IQUB: variants seen among roughly 807,000 people sequenced by gnomAD.
IQUB encodes the protein IQ motif and ubiquitin-like domain-containing protein.
Under a neutral mutation model 86.4 loss-of-function variants are expected in IQUB, and 86 were observed. That is an observed-to-expected ratio of 1.00 (90% confidence interval 0.84 to 1.19). IQUB has a LOEUF of 1.19. Among genes scored for constraint, IQUB ranks in the 50% most tolerant of loss-of-function variants. IQUB has a pLI of 0.00. For synonymous variants in IQUB, 289 were observed against 304.5 expected (o/e 0.95, Z 0.53); for missense variants, 946 against 916.9 (o/e 1.03, Z -0.41).
chr7:123,505,128 G>A (rs768955337), intron 3 of IQUB, among the ~76,000 whole-genome samples: 2 of 152,126 alleles, frequency 1.3e-5, no homozygotes, highest in African/African-American at 2.4e-5. Flanking sequence ...CATGTTTCAC[G>A]TACAGGCCAC....
intron 7 of IQUB, among the ~76,000 whole-genome samples, chr7:123,496,457 C>T (rs370099420): frequency 2.0e-5 from 3 of 152,090 alleles, no homozygotes; most frequent in African/African-American, 4.8e-5. Flanking sequence ...ACTAAAACTG[C>T]ATAATTCACA....
At position 123,502,681 on chromosome 7, in the gene IQUB, T is replaced by C. The variant is rs73437462; in HGVS notation, c.939A>G (p.Val313=). The change falls in exon 6 of 13, where the codon GTA becomes GTG. Residue 313 remains valine, a synonymous_variant. Transcript: ENST00000324698. ...TTSTQMTNIG[V]YVSNMTDKLV... is the part of the protein sequence containing the mutation. ...GTTTATCAGTCATATTTGATACATA[T>C]ACACCAATGTTAGTCATCTGTGTGG... 2.7e-3 allele frequency: 4,282 copies of C among 1,610,678 alleles called. 109 individuals carry two copies. In the African/African-American group the frequency reaches 0.049, roughly 19 times the overall value.
chr7:123,509,731 T>C lies in IQUB; in HGVS notation c.532+170A>G, dbSNP rs370793929. On this transcript the variant is annotated intron_variant, in intron 3 of 12. Transcript: ENST00000324698. ...TGTATCTTCATTTCTTAGCAAAGTA[T>C]CTAGAACAAAGTATGTCCTTACTAA... Among the ~76,000 whole-genome samples, 7 of 152,198 alleles carry C rather than the reference T, an allele frequency of 4.6e-5. No homozygotes were observed. The East Asian group carries it at 5.8e-4, about 13-fold the overall frequency.
At chr7:123,487,870 AT>A (rs1349888114) in intron 7 of IQUB, among the ~76,000 whole-genome samples, 1 of 152,164 alleles carries the variant, frequency 6.6e-6, no homozygotes, top group East Asian at 1.9e-4. Context: ...GTATTTTAAT[AT>A]TTTTGTCATA....
In IQUB at chr7:123,503,115, T is replaced by A; in HGVS notation, c.696A>T (p.Gly232=). ...SQIITVTVQT[G]LDQYQQVPVE... ...CAGGTACCTGCTGGTATTGATCAAG[T>A]CCTGAGAGATAACACCAAGATTCAA... Residue 232 remains glycine, a splice_region_variant and synonymous_variant, in exon 5 of 13, where the codon GGA becomes GGT. Transcript: ENST00000324698. 6.2e-7 allele frequency: 1 copy of A among 1,611,598 alleles called. No homozygotes were observed. Among genetic ancestry groups the A allele is most frequent in the Non-Finnish European group, 8.5e-7 (1 of 1,178,990 alleles).
In IQUB at chr7:123,452,248, C is replaced by T. The variant is rs7789409; in HGVS notation, c.*495G>A. ...GAGAAGGATGGAAGGTGAAAGCAGA[C>T]GATAAACTGCAAAGATTCAAATGCC... On this transcript the variant is annotated 3_prime_UTR_variant, in exon 13 of 13. Transcript: ENST00000324698. Among the ~76,000 whole-genome samples, 35,475 of 151,914 alleles carry T rather than the reference C, an allele frequency of 0.23. 4,882 individuals are homozygous for T. Among genetic ancestry groups the T allele is most frequent in the East Asian group, 0.34 (1,771 of 5,168 alleles).
intron 1 of IQUB, among the ~76,000 whole-genome samples, chr7:123,512,831 C>T (rs73222270): frequency 2.6e-5 from 4 of 152,084 alleles, no homozygotes; most frequent in East Asian, 1.9e-4. Flanking sequence ...TCTGCTCCCC[C>T]CAAATAAACC....
chr7:123,494,447 T>A (rs1795625211), intron 7 of IQUB, among the ~76,000 whole-genome samples: 1 of 152,120 alleles, frequency 6.6e-6, no homozygotes. Flanking sequence ...AGAAGAGCAA[T>A]ATAAATTATT....
rs754915981 is a variant in IQUB, at chr7:123,461,416, G to A, written c.1948C>T (p.Gln650Ter). 22 of 1,611,874 alleles carry A rather than the reference G, an allele frequency of 1.4e-5. No individual in the cohort carries two copies. The South Asian group carries it at 2.2e-4, about 16-fold the overall frequency. The change falls in exon 11 of 13, where the codon CAG becomes TAG. Residue 650 changes from glutamine (Q) to a stop codon, truncating the protein, a stop_gained. Coordinates refer to ENST00000324698, the MANE Select transcript of IQUB (RefSeq NM_178827.5). LOFTEE classifies it high-confidence loss of function. Reference sequence around the variant, plus strand: ...TAATCAGCTTCTGTATAGTAGAGCTGTTGAAGTAAACATTTGTACTTCAAA... The same window carrying A: ...TAATCAGCTTCTGTATAGTAGAGCTATTGAAGTAAACATTTGTACTTCAAA... Reference protein sequence around the residue: ...SFLKYKCLLQQLYYTEADYED... With the variant: ...SFLKYKCLLQ
At chr7:123,509,044 AC>A (rs971833923) in intron 3 of IQUB, among the ~76,000 whole-genome samples, 1 of 152,214 alleles carries the variant, frequency 6.6e-6, no homozygotes, top group Non-Finnish European at 1.5e-5. Context: ...GAACACATGA[AC>A]ATCTTACATT....
chr7:123,497,699 C>G (rs923252362), intron 6 of IQUB, among the ~76,000 whole-genome samples: 9 of 151,040 alleles, frequency 6.0e-5, no homozygotes, highest in Non-Finnish European at 1.2e-4. Flanking sequence ...CCCTTACTCT[C>G]ATCCTAATGC....
At position 123,496,884 on chromosome 7, in the gene IQUB, T is replaced by A; in HGVS notation, c.1046A>T (p.Tyr349Phe). The A allele has an allele frequency of 6.2e-7, 1 of 1,611,042 alleles. No individual in the cohort carries two copies. The highest frequency in any genetic ancestry group is 8.5e-7 in the Non-Finnish European group (1 of 1,178,644). The change falls in exon 7 of 13, where the codon TAC becomes TTC. Residue 349 changes from tyrosine to phenylalanine, a missense_variant. By Grantham distance (22) the Tyr-to-Phe change is conservative. Coordinates refer to ENST00000324698, the MANE Select transcript of IQUB (RefSeq NM_178827.5). The part of the protein sequence containing the change: ...LKAVIVIQTY[Y>F]RQWHAKIFVE... ...GAAGATTTTAGCATGCCATTGCCTG[T>A]AGTAAGTCTGTATCACTATCACCTA...
intron 1 of IQUB, among the ~76,000 whole-genome samples, chr7:123,521,951 A>G (rs571115948): frequency 6.6e-6 from 1 of 152,152 alleles, no homozygotes; most frequent in Non-Finnish European, 1.5e-5. Context: ...CTAAAGTGGA[A>G]TATCAGAAGG....
At chr7:123,465,654 G>T (rs1794219137) in intron 9 of IQUB, among the ~76,000 whole-genome samples, 1 of 151,924 alleles carries the variant, frequency 6.6e-6, no homozygotes, top group Non-Finnish European at 1.5e-5. Context: ...AGGGAAAACT[G>T]GAAGATACAC....
intron 1 of IQUB, among the ~76,000 whole-genome samples, chr7:123,522,161 T>C (rs1263975591): frequency 6.6e-6 from 1 of 152,076 alleles, no homozygotes. Context: ...AGATAAACTC[T>C]TTCCCCAAAA....
chr7:123,468,475 G>T (rs1794360473), intron 9 of IQUB, among the ~76,000 whole-genome samples: 1 of 152,178 alleles, frequency 6.6e-6, no homozygotes, highest in Admixed American at 6.5e-5. Context: ...CTCTTCCTGA[G>T]AATTGCTCTC....
At chr7:123,464,450 AGAGAT>A (rs1338038740) in intron 10 of IQUB, among the ~76,000 whole-genome samples, 1 of 151,954 alleles carries the variant, frequency 6.6e-6, no homozygotes, top group Non-Finnish European at 1.5e-5. Flanking sequence ...ATGAAGGAGA[AGAGAT>A]GAGATGAGAA....
chr7:123,500,216 C>T (rs992723455), intron 6 of IQUB, among the ~76,000 whole-genome samples: 10 of 152,154 alleles, frequency 6.6e-5, no homozygotes, highest in African/African-American at 2.4e-4. Context: ...AATAAACTTG[C>T]TTTTACTTTA....
chr7:123,455,450 T>C (rs530894009), intron 12 of IQUB, among the ~76,000 whole-genome samples: 1 of 152,270 alleles, frequency 6.6e-6, no homozygotes, highest in African/African-American at 2.4e-5. Context: ...AATAATATAT[T>C]GCTTTAAAAT....
Sources: allele counts gnomAD v4.1 joint callset (sites outside exome capture counted in the v4.1 genomes callset), GRCh38; gene constraint gnomAD v4.1.1; transcripts MANE v1.5; gene names NCBI Gene and HGNC (gene_info 2026-07-23, HGNC 2026-07-21).